CRYM: variants seen among roughly 807,000 people sequenced by gnomAD.
The protein encoded by CRYM is crystallin mu.
Under a neutral mutation model 32.9 loss-of-function variants are expected in CRYM, and 18 were observed. The observed-to-expected ratio is 0.55, with a 90% CI of 0.38 to 0.81. The LOEUF (loss-of-function observed/expected upper bound fraction) is 0.81, where lower values mean the gene tolerates loss of function less well. CRYM is among the 30% of genes least tolerant of loss of function. The pLI is 0.00. For missense variants in CRYM, 337 were observed against 393.5 expected, an observed-to-expected ratio of 0.86 and a Z score of 1.21; for synonymous variants, 153 against 152.4, an observed-to-expected ratio of 1.00 and a Z score of -0.03.
At position 21,290,876 on chromosome 16, in the gene CRYM, A is replaced by G. The variant is rs139775842; in HGVS notation, c.-192-11916T>C. 3.4e-3 allele frequency among the ~76,000 whole-genome samples: 514 copies of G among 152,228 alleles called. 2 individuals carry two copies. The highest frequency in any genetic ancestry group is 5.2e-3 in the Non-Finnish European group (353 of 68,020). On this transcript the variant is annotated intron_variant, in intron 1 of 9. Transcript: ENST00000219599. ...TCACATCTTTGCTTTTTCATTGGTT[A>G]TATAAAATAAACGGTATGAGAAATA...
chr16:21,283,274 G>A (rs13330514), upstream of CRYM, among the ~76,000 whole-genome samples: 12,694 of 152,084 alleles, frequency 0.083, 547 homozygotes, highest in Middle Eastern at 0.11. Flanking sequence ...CAGTAGTCAT[G>A]ATAAATATTA....
chr16:21,297,766 T>C (rs1960818676), intron 1 of CRYM, among the ~76,000 whole-genome samples: 1 of 152,188 alleles, frequency 6.6e-6, no homozygotes, highest in Non-Finnish European at 1.5e-5. Context: ...GTGGGAGAAC[T>C]TCTATAGAAC....
chr16:21,261,099 G>T, intron 7 of CRYM, 155 bp downstream of exon 7: 1 of 708,852 alleles, frequency 1.4e-6, no homozygotes, highest in South Asian at 1.6e-5. Context: ...GAGTTCATGG[G>T]CTTAGCACTA....
rs760636344 is a variant in CRYM, at chr16:21,278,223, G to C, written c.29C>G (p.Ala10Gly). ...GCGGAGGTGTTCCTCCACCTCGGCCGCGCTCAGGAACGCTGGTACCCGGCT... is the reference window on the plus strand; with the variant it reads ...GCGGAGGTGTTCCTCCACCTCGGCCCCGCTCAGGAACGCTGGTACCCGGCT... Reference protein sequence around the residue: MSRVPAFLSAAEVEEHLRSS... With the variant: MSRVPAFLSGAEVEEHLRSS... The change falls in exon 1 of 8, where the codon GCG (alanine) becomes GGG (glycine). Residue 10 changes from alanine (A) to glycine (G), a missense_variant. Transcript: ENST00000572914. 5.1e-6 allele frequency: 8 copies of C among 1,574,798 alleles called. No individual in the cohort carries two copies. Among genetic ancestry groups the C allele is most frequent in the African/African-American group, 2.7e-5 (2 of 73,766 alleles).
intron 4 of CRYM, chr16:21,268,560 A>ATGTTTG (rs2093368715): frequency 2.0e-5 from 3 of 152,220 alleles, no homozygotes; most frequent in Admixed American, 2.0e-4. Context: ...AACAAACTTT[A>ATGTTTG]TGTCTAAGCA....
chr16:21,261,509 G>T, intron 6 of CRYM, 171 bp from the exon 7 acceptor site: 2 of 637,544 alleles, frequency 3.1e-6, no homozygotes, highest in Non-Finnish European at 5.5e-6. Flanking sequence ...GAGGAGGCTG[G>T]CCCCGAAATC....
At chr16:21,295,911 A>G (rs1177437281) in intron 1 of CRYM, among the ~76,000 whole-genome samples, 1 of 152,044 alleles carries the variant, frequency 6.6e-6, no homozygotes, top group Non-Finnish European at 1.5e-5. Context: ...CAGCCTGGGC[A>G]AGACAGATCA....
intron 5 of CRYM, 71 bp downstream of exon 5, chr16:21,267,483 T>C: frequency 6.7e-7 from 1 of 1,496,752 alleles, no homozygotes; most frequent in Non-Finnish European, 9.3e-7. Flanking sequence ...TCTGCAAATG[T>C]AGTCGACTGG....
chr16:21,288,998 T>C (rs1960543906), intron 1 of CRYM, among the ~76,000 whole-genome samples: 1 of 152,208 alleles, frequency 6.6e-6, no homozygotes, highest in African/African-American at 2.4e-5. Context: ...AGACTTGTTT[T>C]GTGGCCTAAT....
rs372907164 is a variant in CRYM at position 21,267,746 on chromosome 16, G to A, written c.490-9C>T. 2.4e-4 allele frequency: 389 copies of A among 1,614,056 alleles called. 2 individuals are homozygous for A. The African/African-American group carries it at 4.7e-3, about 20-fold the overall frequency. On this transcript the variant is annotated splice_polypyrimidine_tract_variant and intron_variant, in intron 4 of 7. Coordinates refer to ENST00000572914, the MANE Select transcript of CRYM (RefSeq NM_001376256.1). ...CGGTTCCATATCCTCACCTTCATTGGGAGTAACAAGAAGGATATTGGCGCC... is the reference window on the plus strand; with the variant it reads ...CGGTTCCATATCCTCACCTTCATTGAGAGTAACAAGAAGGATATTGGCGCC...
intron 4 of CRYM, 24 bp downstream of exon 4, chr16:21,269,766 T>TTCCCCCC: frequency 5.8e-6 from 4 of 690,476 alleles, no homozygotes; most frequent in South Asian, 1.4e-5. Context: ...CCCTCTTCTC[T>TTCCCCCC]CCCACCCCCA....
chr16:21,280,373 T>C (rs2093396109), upstream of CRYM, among the ~76,000 whole-genome samples: 1 of 151,998 alleles, frequency 6.6e-6, no homozygotes, highest in Admixed American at 6.6e-5. Flanking sequence ...CAGTAAGACT[T>C]TTTTGGCCCT....
intron 3 of CRYM, 52 bp from the exon 4 acceptor site, chr16:21,269,943 G>A (rs577293090): frequency 2.4e-6 from 3 of 1,275,986 alleles, no homozygotes; most frequent in Non-Finnish European, 3.4e-6. Context: ...TAGCAGACGG[G>A]TAAAAAACTA....
chr16:21,265,314 G>C (rs2152861707), intron 5 of CRYM, among the ~76,000 whole-genome samples: 1 of 152,276 alleles, frequency 6.6e-6, no homozygotes, highest in South Asian at 2.1e-4. Flanking sequence ...TGCATCTGCT[G>C]TGCCCTCTAC....
chr16:21,292,681 G>A (rs1960688792), intron 1 of CRYM, among the ~76,000 whole-genome samples: 1 of 152,012 alleles, frequency 6.6e-6, no homozygotes, highest in Non-Finnish European at 1.5e-5. Flanking sequence ...TAAAACTACA[G>A]TAATTAAGAC....
At chr16:21,301,674 T>A (rs949215875) in intron 1 of CRYM, among the ~76,000 whole-genome samples, 11 of 152,184 alleles carry the variant, frequency 7.2e-5, no homozygotes, top group Non-Finnish European at 2.9e-5. Flanking sequence ...CACCCGCACC[T>A]CCTGCCTTCC....
At chr16:21,267,848 GGTT>G in intron 4 of CRYM, 111 bp from the exon 5 acceptor site, 1 of 1,028,390 alleles carries the variant, frequency 9.7e-7, no homozygotes, top group Non-Finnish European at 1.5e-6. Flanking sequence ...AGGGGTCAGT[GGTT>G]ATCTAAATCA....
At chr16:21,287,568 T>A (rs914129424) in intron 1 of CRYM, among the ~76,000 whole-genome samples, 1 of 152,166 alleles carries the variant, frequency 6.6e-6, no homozygotes, top group Non-Finnish European at 1.5e-5. Flanking sequence ...TCAGCCCACA[T>A]CCTCACCCCT....
At chr16:21,261,956 T>C in intron 6 of CRYM, 81 bp downstream of exon 6, 2 of 1,594,100 alleles carry the variant, frequency 1.3e-6, no homozygotes, top group Non-Finnish European at 1.7e-6. Context: ...CAGACCAAAC[T>C]GGAAGGGAAG....
Sources: gnomAD v4.1 joint callset for allele counts (sites outside exome capture counted in the v4.1 genomes callset) on GRCh38, gnomAD v4.1.1 for gene constraint, MANE v1.5 for transcripts, NCBI Gene and HGNC (gene_info 2026-07-23, HGNC 2026-07-21) for gene names.